Variants in LHFPL6 observed in about 807,000 individuals in gnomAD.
LHFPL6 encodes the protein LHFPL tetraspan subfamily member 6, also known as LHFPL tetraspan subfamily member 6 protein.
Under a neutral mutation model 20.6 loss-of-function variants are expected in LHFPL6, and 9 were observed. The ratio of observed to expected loss-of-function variants is 0.44; its 90% CI spans 0.26 to 0.76. LHFPL6 has a LOEUF of 0.76. Among genes scored for constraint, LHFPL6 ranks in the 30% least tolerant of loss-of-function variants. The pLI is 0.20. For synonymous variants in LHFPL6, 105 were observed against 98.7 expected (o/e 1.06, Z -0.38); for missense variants, 218 against 253.5 (o/e 0.86, Z 0.95).
chr13:39,399,317 A>C (rs569015141), intron 2 of LHFPL6, among the ~76,000 whole-genome samples: 4 of 152,242 alleles, frequency 2.6e-5, no homozygotes, highest in Non-Finnish European at 5.9e-5. Flanking sequence ...ATTTCTGTTT[A>C]AAATGGTCTG....
intron 2 of LHFPL6, among the ~76,000 whole-genome samples, chr13:39,564,862 T>C (rs746422864): frequency 1.3e-5 from 2 of 152,212 alleles, no homozygotes; most frequent in Admixed American, 6.5e-5. Context: ...AAAATGCTAA[T>C]GGGGCAAGGT....
intron 2 of LHFPL6, among the ~76,000 whole-genome samples, chr13:39,562,515 TATATACAC>T (rs1166886664): frequency 2.6e-5 from 3 of 114,856 alleles, no homozygotes; most frequent in African/African-American, 8.7e-5. Context: ...CATATATACA[TATATACAC>T]ATATACACAT....
At chr13:39,438,039 G>C (rs1424349505) in intron 2 of LHFPL6, among the ~76,000 whole-genome samples, 1 of 152,212 alleles carries the variant, frequency 6.6e-6, no homozygotes, top group African/African-American at 2.4e-5. Context: ...GAGACAGAAA[G>C]ATGCAACAAG....
At chr13:39,500,185 G>A (rs1285802224) in intron 2 of LHFPL6, among the ~76,000 whole-genome samples, 1 of 151,644 alleles carries the variant, frequency 6.6e-6, no homozygotes. Flanking sequence ...ATTTTATTGG[G>A]GTTGTTTGTT....
chr13:39,461,314 T>G (rs1872682667), intron 2 of LHFPL6, among the ~76,000 whole-genome samples: 1 of 152,182 alleles, frequency 6.6e-6, no homozygotes, highest in Non-Finnish European at 1.5e-5. Flanking sequence ...GCATGTGTCT[T>G]TTTAGTAGAA....
At chr13:39,500,932 C>A (rs1048765587) in intron 2 of LHFPL6, among the ~76,000 whole-genome samples, 1 of 152,074 alleles carries the variant, frequency 6.6e-6, no homozygotes, top group Non-Finnish European at 1.5e-5. Context: ...TAGGAAAACA[C>A]AGATTGCTGG....
At chr13:39,503,208 C>G (rs1424272324) in intron 2 of LHFPL6, among the ~76,000 whole-genome samples, 1 of 152,184 alleles carries the variant, frequency 6.6e-6, no homozygotes, top group Non-Finnish European at 1.5e-5. Flanking sequence ...GGACACATCG[C>G]TCCCTCCCTC....
At chr13:39,472,947 T>G (rs1029369780) in intron 2 of LHFPL6, among the ~76,000 whole-genome samples, 1 of 152,122 alleles carries the variant, frequency 6.6e-6, no homozygotes, top group African/African-American at 2.4e-5. Flanking sequence ...ACTAGTATAG[T>G]CCTTTCCAAA....
At chr13:39,388,802 T>C (rs1278034442) in intron 2 of LHFPL6, among the ~76,000 whole-genome samples, 1 of 152,182 alleles carries the variant, frequency 6.6e-6, no homozygotes, top group East Asian at 1.9e-4. Context: ...CATCATGAAG[T>C]AGAATGCCAT....
intron 2 of LHFPL6, among the ~76,000 whole-genome samples, chr13:39,438,271 G>C (rs1176027603): frequency 2.6e-5 from 4 of 152,186 alleles, no homozygotes; most frequent in African/African-American, 7.2e-5. Context: ...TGATGATTTA[G>C]ACTGATGATT....
chr13:39,456,728 CAACAT>C (rs1449491604), intron 2 of LHFPL6, among the ~76,000 whole-genome samples: 1 of 151,066 alleles, frequency 6.6e-6, no homozygotes, highest in Non-Finnish European at 1.5e-5. Flanking sequence ...TTATGAATCT[CAACAT>C]AAGAGCTAAA....
intron 2 of LHFPL6, among the ~76,000 whole-genome samples, chr13:39,389,401 C>G (rs1221639673): frequency 6.6e-6 from 1 of 152,036 alleles, no homozygotes; most frequent in African/African-American, 2.4e-5. Context: ...TACCTAAGGC[C>G]AAAACGTATA....
intron 2 of LHFPL6, among the ~76,000 whole-genome samples, chr13:39,421,605 G>T (rs571800501): frequency 2.1e-4 from 32 of 152,238 alleles, no homozygotes; most frequent in Admixed American, 2.0e-3. Flanking sequence ...CAAATGGCAA[G>T]ATCCCACATT....
At chr13:39,409,210 T>C (rs1018709540) in intron 2 of LHFPL6, among the ~76,000 whole-genome samples, 2 of 152,096 alleles carry the variant, frequency 1.3e-5, no homozygotes, top group Non-Finnish European at 2.9e-5. Context: ...TCCCAGCACT[T>C]TGGGAGGCTG....
chr13:39,393,415 C>A (rs565349973), intron 2 of LHFPL6, among the ~76,000 whole-genome samples: 1 of 152,054 alleles, frequency 6.6e-6, no homozygotes. Context: ...CCAACAGATA[C>A]CAGATAAGTC....
chr13:39,465,306 T>G (rs1217491393), intron 2 of LHFPL6, among the ~76,000 whole-genome samples: 2 of 152,144 alleles, frequency 1.3e-5, no homozygotes, highest in Non-Finnish European at 2.9e-5. Context: ...GCTAGCGGCA[T>G]GCCAACCTAT....
chr13:39,395,557 C>A (rs529172545), intron 2 of LHFPL6, among the ~76,000 whole-genome samples: 1 of 152,328 alleles, frequency 6.6e-6, no homozygotes, highest in Admixed American at 6.5e-5. Flanking sequence ...GGAGCCTGGG[C>A]AAACTATTCC....
At chr13:39,561,494 G>T (rs1871481700) in intron 2 of LHFPL6, among the ~76,000 whole-genome samples, 2 of 152,116 alleles carry the variant, frequency 1.3e-5, no homozygotes, top group African/African-American at 2.4e-5. Context: ...TTTAAGAGAT[G>T]GGGTCTTGTT....
chr13:39,546,137 C>T (rs540170934), intron 2 of LHFPL6, among the ~76,000 whole-genome samples: 1 of 152,112 alleles, frequency 6.6e-6, no homozygotes, highest in South Asian at 2.1e-4. Flanking sequence ...CCATGGTAAG[C>T]CCCCAATAAA....
Sources: allele counts gnomAD v4.1 joint callset (sites outside exome capture counted in the v4.1 genomes callset), GRCh38; gene constraint gnomAD v4.1.1; transcripts MANE v1.5; gene names NCBI Gene and HGNC (gene_info 2026-07-23, HGNC 2026-07-21).